Variants in TMEM19 observed in about 807,000 individuals in gnomAD.
TMEM19 encodes the protein transmembrane protein 19.
A neutral mutation model predicts 33.6 loss-of-function variants in TMEM19; 21 were observed. The ratio of observed to expected loss-of-function variants is 0.62; its 90% CI spans 0.44 to 0.90. The LOEUF is 0.90. Among genes scored for constraint, TMEM19 ranks in the 40% least tolerant of loss-of-function variants. TMEM19 has a pLI of 0.00. For synonymous variants in TMEM19, 149 were observed against 147.5 expected (o/e 1.01, Z -0.07); for missense variants, 402 against 401.8 (o/e 1.00, Z 0.00).
chr12:71,697,641 C>A (rs911539554), intron 4 of TMEM19, 107 bp downstream of exon 4: 3 of 1,378,130 alleles, frequency 2.2e-6, no homozygotes, highest in African/African-American at 3.0e-5. Context: ...TATTTTAGAG[C>A]CTTTTAAGAA....
At chr12:71,696,630 G>GTT in intron 3 of TMEM19, 57 bp downstream of exon 3, 2 of 1,439,350 alleles carry the variant, frequency 1.4e-6, no homozygotes, top group South Asian at 1.4e-5. Flanking sequence ...CCTAACATAA[G>GTT]GTTTTTTTTT....
At position 71,696,635 on chromosome 12, in the gene TMEM19, T is replaced by G. The variant is rs926152759; in HGVS notation, c.382+62T>G. The G allele has an allele frequency of 2.4e-5, 35 of 1,440,760 alleles. No homozygotes were observed. In the African/African-American group the frequency reaches 3.8e-4, roughly 16 times the overall value. The allele number at this position is 1,440,760 out of a possible 1,614,324, so 89.2% of individuals were successfully genotyped here. On this transcript the variant is annotated intron_variant, in intron 3 of 5. Coordinates refer to ENST00000266673, the MANE Select transcript of TMEM19 (RefSeq NM_018279.4). ...TTCATTTAATCCTAACATAAGGTTT[T>G]TTTTTGTTTTTGTTTTTGTTTTTTT...
In TMEM19 at chr12:71,698,607, AAGAGAGAGAGAGAGAGAGAG is replaced by A. The variant is rs71068787; in HGVS notation, c.638-259_638-240del. On this transcript the variant is annotated intron_variant, in intron 4 of 5. Transcript: ENST00000266673. ...GATAGAGCAAAACCTTGTCTCTGAA[AAGAGAGAGAGAGAGAGAGAG>A]AGAGAGAGAGAGAGAGAGAGAGAGA... 1.9e-3 allele frequency among the ~76,000 whole-genome samples: 233 copies of A among 121,272 alleles called. 1 individual carries two copies. Among genetic ancestry groups the A allele is most frequent in the East Asian group, 0.017 (59 of 3,430 alleles). 79.6% of individuals were successfully genotyped at this position (121,272 alleles called of 152,430 possible).
rs10615987 is a variant in TMEM19 at position 71,698,612 on chromosome 12, AG to A, written c.638-287del. ...AGCAAAACCTTGTCTCTGAAAAGAG[AG>A]AGAGAGAGAGAGAGAGAGAGAGAGA... On this transcript the variant is annotated intron_variant, in intron 4 of 5. Coordinates refer to ENST00000266673, the MANE Select transcript of TMEM19 (RefSeq NM_018279.4). Among the ~76,000 whole-genome samples the A allele has an allele frequency of 5.1e-3, 9 of 1,776 alleles. No individual in the cohort carries two copies. The African/African-American group carries it at 0.068, about 13-fold the overall frequency. 1.2% of individuals were successfully genotyped at this position (1,776 alleles called of 152,430 possible). A position where few individuals can be genotyped will look rare whatever the true frequency, so the allele number is the denominator to read the frequency against.
At position 71,686,700 on chromosome 12, in the gene TMEM19, A is replaced by G. The variant is rs544264753; in HGVS notation, c.20A>G (p.Asn7Ser). The G allele has an allele frequency of 3.7e-6, 6 of 1,611,130 alleles. No individual in the cohort carries two copies. In the African/African-American group the frequency reaches 4.0e-5, roughly 11 times the overall value. MTDLNDNICKRYIKMIT... is the reference protein window; with the variant it reads MTDLNDSICKRYIKMIT... ...TTTTCCATGACAGATCTTAACGACAATATATGCAAAAGATATATAAAGATG... is the reference window on the plus strand; with the variant it reads ...TTTTCCATGACAGATCTTAACGACAGTATATGCAAAAGATATATAAAGATG... The change falls in exon 1 of 6, where the codon AAT becomes AGT. Residue 7 changes from asparagine (N) to serine (S), a missense_variant. Asn to Ser is a conservative substitution (Grantham distance 46, BLOSUM62 1). Transcript: ENST00000266673.
intron 2 of TMEM19, among the ~76,000 whole-genome samples, chr12:71,693,842 C>T (rs72478475): frequency 2.0e-5 from 3 of 152,206 alleles, no homozygotes; most frequent in African/African-American, 7.2e-5. Flanking sequence ...TTCACCTACA[C>T]AAGCCCCCTT....
rs1302238234 is a variant in TMEM19 at position 71,702,707 on chromosome 12, C to A, written c.*1712C>A. On this transcript the variant is annotated 3_prime_UTR_variant, in exon 6 of 6. Coordinates refer to ENST00000266673, the MANE Select transcript of TMEM19 (RefSeq NM_018279.4). ...CTAAGGTACAGCCTGGATATTGAGA[C>A]TTTTTAAAGCTCTGACTGTACATTG... The A allele has an allele frequency of 2.0e-5, 3 of 152,170 alleles. No homozygotes were observed. Among genetic ancestry groups the A allele is most frequent in the African/African-American group, 7.2e-5 (3 of 41,444 alleles). The allele number at this position is 152,170 out of a possible 1,614,324, so 9.4% of individuals were successfully genotyped here.
At position 71,688,610 on chromosome 12, in the gene TMEM19, G is replaced by A. The variant is rs147966004; in HGVS notation, c.131-981G>A. Among the ~76,000 whole-genome samples the A allele has an allele frequency of 2.0e-5, 3 of 152,276 alleles. No individual in the cohort carries two copies. In the East Asian group the frequency reaches 5.8e-4, roughly 29 times the overall value. ...ACCATAAGGAAATCACTTTGCCTTG[G>A]CGTTTAGGAGCCTATCAGGAGGGGT... is the stretch of plus-strand genomic sequence containing the variant. On this transcript the variant is annotated intron_variant, in intron 1 of 5. Coordinates refer to ENST00000266673, the MANE Select transcript of TMEM19 (RefSeq NM_018279.4).
chr12:71,690,043 G>C (rs1881758959), intron 2 of TMEM19, among the ~76,000 whole-genome samples: 1 of 152,208 alleles, frequency 6.6e-6, no homozygotes, highest in Admixed American at 6.5e-5. Flanking sequence ...AGCATTTGGA[G>C]AGAATAACTT....
chr12:71,699,169 A>G, intron 5 of TMEM19, 60 bp downstream of exon 5: 2 of 1,576,418 alleles, frequency 1.3e-6, no homozygotes, highest in Non-Finnish European at 1.7e-6. Context: ...GGGAAAAGAA[A>G]GAAAAAAATG....
rs1410880201 is a variant in TMEM19, at chr12:71,700,986, C to T, written c.1002C>T (p.Pro334=). ...CAACTGCTGCTTGGGGTTTTTGGCC[C>T]AGGGGGTGAACTTTATTTCATTTCC... ...LLPTAAWGFW[P]RG The change falls in exon 6 of 6, where the codon CCC becomes CCT. Residue 334 remains proline, a synonymous_variant. Transcript: ENST00000266673. 5.0e-6 allele frequency: 8 copies of T among 1,607,890 alleles called. No homozygotes were observed. The highest frequency in any genetic ancestry group is 1.7e-4 in the Middle Eastern group (1 of 6,054).
chr12:71,703,138 CTG>C lies in TMEM19; in HGVS notation c.*2145_*2146del, dbSNP rs1191680679. 1 of 128,732 alleles carries C rather than the reference CTG, an allele frequency of 7.8e-6. No individual in the cohort carries two copies. The highest frequency in any genetic ancestry group is 1.6e-5 in the Non-Finnish European group (1 of 63,690). 8.0% of individuals were successfully genotyped at this position (128,732 alleles called of 1,614,324 possible). ...GTTGCAGTGAGCCAAGATTGCACCA[CTG>C]TACTCCAGCCTGGGCAACAGAGGGA... is the stretch of plus-strand genomic sequence containing the variant. On this transcript the variant is annotated 3_prime_UTR_variant, in exon 6 of 6. Transcript: ENST00000266673.
rs1370083595 is a variant in TMEM19 at position 71,686,602 on chromosome 12, G to A, written c.-79G>A. 7 of 1,495,426 alleles carry A rather than the reference G, an allele frequency of 4.7e-6. No homozygotes were observed. The highest frequency in any genetic ancestry group is 5.5e-6 in the Non-Finnish European group (6 of 1,086,834). 92.6% of individuals were successfully genotyped at this position (1,495,426 alleles called of 1,614,324 possible). On this transcript the variant is annotated 5_prime_UTR_variant, in exon 1 of 6. Coordinates refer to ENST00000266673, the MANE Select transcript of TMEM19 (RefSeq NM_018279.4). ...GATTTATGTTTGCCTCTGAACAAGT[G>A]TCTTGCTCACATCGTAAATGACTTT...
At chr12:71,686,998 G>A (rs1281501369) in intron 1 of TMEM19, among the ~76,000 whole-genome samples, 188 bp downstream of exon 1, 1 of 151,700 alleles carries the variant, frequency 6.6e-6, no homozygotes, top group African/African-American at 2.4e-5. Flanking sequence ...TGCTTGTTGT[G>A]ATAATTCGAG....
At chr12:71,700,743 A>G in intron 5 of TMEM19, 89 bp from the exon 6 acceptor site, 1 of 1,286,586 alleles carries the variant, frequency 7.8e-7, no homozygotes, top group South Asian at 1.8e-5. Flanking sequence ...TAGAACTTAA[A>G]GTATAATAAA....
rs1359070757 is a variant in TMEM19, at chr12:71,686,633, C to T, written c.-48C>T. On this transcript the variant is annotated 5_prime_UTR_variant, in exon 1 of 6. Transcript: ENST00000266673. ...CTCACATCGTAAATGACTTTCTCTC[C>T]GAAACGCTAAATATTCTTTCCCGCA... 1 of 1,601,426 alleles carries T rather than the reference C, an allele frequency of 6.2e-7. No individual in the cohort carries two copies. The highest frequency in any genetic ancestry group is 8.5e-7 in the Non-Finnish European group (1 of 1,176,012).
chr12:71,686,409 G>T lies in TMEM19; in HGVS notation c.-272G>T. ...GGGCTCCGGCGTGAGGCGCTGAAGCGGCCGGCAGCCGGCGACCGGCCCTCA... is the reference window on the plus strand; with the variant it reads ...GGGCTCCGGCGTGAGGCGCTGAAGCTGCCGGCAGCCGGCGACCGGCCCTCA... On this transcript the variant is annotated 5_prime_UTR_variant, in exon 1 of 6. Transcript: ENST00000266673. 2 of 323,270 alleles carry T rather than the reference G, an allele frequency of 6.2e-6. No homozygotes were observed. The highest frequency in any genetic ancestry group is 3.1e-5 in the South Asian group (1 of 32,646). 20.0% of individuals were successfully genotyped at this position (323,270 alleles called of 1,614,324 possible). A position where few individuals can be genotyped will look rare whatever the true frequency, so the allele number is the denominator to read the frequency against.
At position 71,700,006 on chromosome 12, in the gene TMEM19, A is replaced by G. The variant is rs188653019; in HGVS notation, c.848-826A>G. 2.1e-3 allele frequency among the ~76,000 whole-genome samples: 320 copies of G among 152,212 alleles called. 2 individuals carry two copies. Among genetic ancestry groups the G allele is most frequent in the African/African-American group, 7.3e-3 (301 of 41,512 alleles). ...TCTCATCAACCATGTTTCTCCTTTG[A>G]TTGACATCAGGAAGAGGTTGGAAGG... On this transcript the variant is annotated intron_variant, in intron 5 of 5. Coordinates refer to ENST00000266673, the MANE Select transcript of TMEM19 (RefSeq NM_018279.4).
intron 2 of TMEM19, among the ~76,000 whole-genome samples, chr12:71,690,162 A>AT (rs906053652): frequency 9.3e-5 from 14 of 150,560 alleles, no homozygotes; most frequent in South Asian, 2.1e-4. Context: ...TCTTTTAGCA[A>AT]TTTTTTTTTT....
Sources: gnomAD v4.1 joint callset for allele counts (sites outside exome capture counted in the v4.1 genomes callset) on GRCh38, gnomAD v4.1.1 for gene constraint, MANE v1.5 for transcripts, NCBI Gene and HGNC (gene_info 2026-07-23, HGNC 2026-07-21) for gene names.